The following EEFSEC variants were observed in gnomAD, a reference collection of about 807,000 sequenced individuals.
EEFSEC encodes selenocysteine-specific elongation factor.
A neutral mutation model predicts 42.1 loss-of-function variants in EEFSEC; 43 were observed. The ratio of observed to expected loss-of-function variants is 1.02; its 90% CI spans 0.80 to 1.32. The LOEUF (loss-of-function observed/expected upper bound fraction) is 1.32. EEFSEC is among the 40% of genes most tolerant of loss of function. The probability of loss-of-function intolerance (pLI) is 0.00; values close to 1 mark genes in which losing one functional copy is unlikely to be tolerated. For missense variants in EEFSEC, 745 were observed against 803.6 expected, an observed-to-expected ratio of 0.93 and a Z score of 0.88; for synonymous variants, 354 against 339.1, an observed-to-expected ratio of 1.04 and a Z score of -0.48.
At chr3:128,356,739 C>T (rs1296657853) in intron 5 of EEFSEC, among the ~76,000 whole-genome samples, 1 of 152,162 alleles carries the variant, frequency 6.6e-6, no homozygotes, top group East Asian at 1.9e-4. Context: ...TCTGTGTATC[C>T]ACCTCTGCCC....
At chr3:128,193,984 A>G (rs536037220) in intron 1 of EEFSEC, among the ~76,000 whole-genome samples, 90 of 109,708 alleles carry the variant, frequency 8.2e-4, no homozygotes, top group African/African-American at 3.1e-3. Context: ...TGGGGGATAG[A>G]GGGAAGACCA....
chr3:128,274,323 A>G (rs2811530), intron 4 of EEFSEC, among the ~76,000 whole-genome samples: 130,830 of 152,246 alleles, frequency 0.86, 56,425 homozygotes, highest in East Asian at 0.99. Context: ...CGCAGCAAAG[A>G]GGAGGAGGAA....
chr3:128,190,038 A>G (rs571826467), intron 1 of EEFSEC, among the ~76,000 whole-genome samples: 1 of 151,840 alleles, frequency 6.6e-6, no homozygotes, highest in South Asian at 2.1e-4. Flanking sequence ...AATTTTCTGT[A>G]TTTTAGTAGA....
chr3:128,345,393 A>G lies in EEFSEC; in HGVS notation c.1443+3504A>G, dbSNP rs539150148. Among the ~76,000 whole-genome samples the G allele has an allele frequency of 3.3e-5, 5 of 152,146 alleles. No homozygotes were observed. The South Asian group carries it at 1.0e-3, about 32-fold the overall frequency. ...GCCACACAGTTTTGGTTGAAGAGGG[A>G]GGGGCTGAGAGTCTGGTAGGCTCAT... On this transcript the variant is annotated intron_variant, in intron 5 of 6. Transcript: ENST00000254730.
chr3:128,385,026 A>AT (rs780565274), intron 6 of EEFSEC, among the ~76,000 whole-genome samples: 18 of 152,236 alleles, frequency 1.2e-4, no homozygotes, highest in Admixed American at 5.2e-4. Context: ...TACCATTATG[A>AT]TTTTACCAAA....
chr3:128,240,483 T>A (rs373200295), intron 1 of EEFSEC, among the ~76,000 whole-genome samples: 41 of 152,310 alleles, frequency 2.7e-4, no homozygotes, highest in African/African-American at 9.1e-4. Flanking sequence ...TTCCTTGGTC[T>A]TTAAAATGAC....
intron 6 of EEFSEC, among the ~76,000 whole-genome samples, chr3:128,362,661 C>G (rs373382541): frequency 1.3e-5 from 2 of 152,198 alleles, no homozygotes; most frequent in East Asian, 3.8e-4. Context: ...GCCCCTATTA[C>G]CACTCGCGTG....
At position 128,218,866 on chromosome 3, in the gene EEFSEC, C is replaced by T. The variant is rs374959491; in HGVS notation, c.317-27970C>T. On this transcript the variant is annotated intron_variant, in intron 1 of 6. Transcript: ENST00000254730. ...GGCTTTAGACATTATCTGTAGACTTCCTGCTAAGGAACATAAGAATTCTTC... is the reference window on the plus strand; with the variant it reads ...GGCTTTAGACATTATCTGTAGACTTTCTGCTAAGGAACATAAGAATTCTTC... Among the ~76,000 whole-genome samples the T allele has an allele frequency of 2.0e-5, 3 of 152,342 alleles. No homozygotes were observed. In the South Asian group the frequency reaches 6.2e-4, roughly 32 times the overall value.
intron 3 of EEFSEC, among the ~76,000 whole-genome samples, chr3:128,262,847 G>A (rs2107929865): frequency 6.6e-6 from 1 of 152,322 alleles, no homozygotes; most frequent in South Asian, 2.1e-4. Context: ...AAGGAAGGTA[G>A]CAGTGAGAAT....
intron 4 of EEFSEC, among the ~76,000 whole-genome samples, chr3:128,279,223 A>G (rs893792643): frequency 3.3e-5 from 5 of 152,216 alleles, no homozygotes; most frequent in African/African-American, 4.8e-5. Flanking sequence ...GCAGACAGGC[A>G]GGAAGGCAGC....
chr3:128,318,677 A>T (rs1036413277), intron 4 of EEFSEC, among the ~76,000 whole-genome samples: 3 of 152,182 alleles, frequency 2.0e-5, no homozygotes, highest in Non-Finnish European at 2.9e-5. Context: ...TAACAAAGTC[A>T]GTGTCACCTA....
chr3:128,339,673 G>A (rs571987594), intron 4 of EEFSEC, among the ~76,000 whole-genome samples: 201 of 152,266 alleles, frequency 1.3e-3, no homozygotes, highest in African/African-American at 4.5e-3. Context: ...AGTGACTTCC[G>A]GGCCTTGCAC....
At position 128,304,767 on chromosome 3, in the gene EEFSEC, G is replaced by A. The variant is rs6788138; in HGVS notation, c.787-36466G>A. On this transcript the variant is annotated intron_variant, in intron 4 of 6. Transcript: ENST00000254730. ...CACCCAGACTGGAATGCAATGGTGC[G>A]TTCAGGGCTCACTGAAGCCTTGACC... is the stretch of plus-strand genomic sequence containing the variant. Among the ~76,000 whole-genome samples the A allele has an allele frequency of 6.6e-3, 993 of 151,086 alleles. 13 individuals carry two copies. The highest frequency in any genetic ancestry group is 0.023 in the African/African-American group (939 of 41,100).
intron 6 of EEFSEC, among the ~76,000 whole-genome samples, chr3:128,360,065 C>T (rs2067505408): frequency 6.6e-6 from 1 of 152,224 alleles, no homozygotes; most frequent in African/African-American, 2.4e-5. Context: ...GCCCCTAAGG[C>T]CTCTGTCAAG....
chr3:128,329,024 C>T (rs955670461), intron 4 of EEFSEC, among the ~76,000 whole-genome samples: 5 of 152,160 alleles, frequency 3.3e-5, no homozygotes, highest in Admixed American at 2.6e-4. Context: ...CTTGGCACCC[C>T]GCCTCTCACC....
At chr3:128,207,490 A>G (rs983025689) in intron 1 of EEFSEC, among the ~76,000 whole-genome samples, 1 of 151,552 alleles carries the variant, frequency 6.6e-6, no homozygotes, top group African/African-American at 2.4e-5. Context: ...TGAGGATCCA[A>G]TTTTGAGATC....
chr3:128,300,862 C>T (rs1316032529), intron 4 of EEFSEC, among the ~76,000 whole-genome samples: 1 of 151,948 alleles, frequency 6.6e-6, no homozygotes, highest in African/African-American at 2.4e-5. Context: ...TAAATAGATA[C>T]TTAGTGTTTT....
intron 1 of EEFSEC, among the ~76,000 whole-genome samples, chr3:128,161,735 TTTCATCTG>T (rs1694778490): frequency 6.6e-6 from 1 of 152,240 alleles, no homozygotes; most frequent in South Asian, 2.1e-4. Flanking sequence ...GCTCTTCCCC[TTTCATCTG>T]TTTTATTGAG....
chr3:128,350,921 C>T (rs954303815), intron 5 of EEFSEC, among the ~76,000 whole-genome samples: 3 of 152,186 alleles, frequency 2.0e-5, no homozygotes, highest in African/African-American at 4.8e-5. Flanking sequence ...TCTGATGATA[C>T]TGGAACAACA....
Sources: allele counts gnomAD v4.1 joint callset (sites outside exome capture counted in the v4.1 genomes callset), GRCh38; gene constraint gnomAD v4.1.1; transcripts MANE v1.5; gene names NCBI Gene and HGNC (gene_info 2026-07-23, HGNC 2026-07-21).